The following RBM34 variants were observed in gnomAD, a reference collection of about 807,000 sequenced individuals.
RBM34 encodes the protein RNA binding motif protein 34, also known as RNA-binding protein 34.
A neutral mutation model predicts 44.6 loss-of-function variants in RBM34; 39 were observed. The observed-to-expected ratio is 0.87, with a 90% CI of 0.68 to 1.14. The LOEUF is 1.14. Ranked by LOEUF, RBM34 falls within the 50% of genes most tolerant of loss-of-function variation. The pLI is 0.00. For missense variants in RBM34, 572 were observed against 517.9 expected, an observed-to-expected ratio of 1.10 and a Z score of -1.01; for synonymous variants, 194 against 184.0, an observed-to-expected ratio of 1.05 and a Z score of -0.44.
At position 235,149,950 on chromosome 1, in the gene RBM34, C is replaced by CA. The variant is rs542976948; in HGVS notation, c.658-1504dup. 5.9e-5 allele frequency among the ~76,000 whole-genome samples: 9 copies of CA among 152,172 alleles called. No homozygotes were observed. In the East Asian group the frequency reaches 1.3e-3, roughly 23 times the overall value. Reference sequence around the variant, plus strand: ...CTAACATAGTCAAACTCTCAAACCTCAAAAAAACAGTACAAGACACAGAAA... The same window carrying CA: ...CTAACATAGTCAAACTCTCAAACCTCAAAAAAAACAGTACAAGACACAGAAA... On this transcript the variant is annotated intron_variant, in intron 5 of 10. Transcript: ENST00000408888.
intron 3 of RBM34, 109 bp from the exon 4 acceptor site, chr1:235,155,221 C>T: frequency 3.4e-6 from 3 of 889,926 alleles, no homozygotes; most frequent in Admixed American, 2.8e-5. Flanking sequence ...CCAATGTCTT[C>T]TGAATTTTCC....
At chr1:235,144,055 T>G (rs917683378) in intron 6 of RBM34, among the ~76,000 whole-genome samples, 5 of 151,976 alleles carry the variant, frequency 3.3e-5, no homozygotes, top group African/African-American at 1.2e-4. Flanking sequence ...CGAGCACCTG[T>G]AGTCCCAGGT....
chr1:235,148,525 GTATC>G, intron 5 of RBM34, 78 bp from the exon 6 acceptor site: 1 of 1,074,406 alleles, frequency 9.3e-7, no homozygotes. Context: ...TGAAGTCTAA[GTATC>G]TAACTCCAGT....
intron 6 of RBM34, among the ~76,000 whole-genome samples, chr1:235,148,053 C>T (rs539829481): frequency 6.6e-6 from 1 of 152,122 alleles, no homozygotes; most frequent in Non-Finnish European, 1.5e-5. Flanking sequence ...GTGACCAGCA[C>T]AAGCAAACAT....
chr1:235,155,866 T>TACAC (rs1318650085), intron 3 of RBM34, among the ~76,000 whole-genome samples: 1 of 34,332 alleles, frequency 2.9e-5, no homozygotes, highest in Non-Finnish European at 4.9e-5. Flanking sequence ...TATATATATA[T>TACAC]ACATATATAC....
At chr1:235,141,057 C>T (rs1001859107) in intron 6 of RBM34, among the ~76,000 whole-genome samples, 6 of 144,910 alleles carry the variant, frequency 4.1e-5, no homozygotes, top group Non-Finnish European at 9.1e-5. Flanking sequence ...GGGCCTTGGA[C>T]AACCTTTATG....
chr1:235,137,280 T>TA, intron 8 of RBM34, among the ~76,000 whole-genome samples: 1 of 152,250 alleles, frequency 6.6e-6, no homozygotes, highest in East Asian at 1.9e-4. Flanking sequence ...GTCTAATGAA[T>TA]AATTGAACTT....
chr1:235,134,350 G>A (rs1289426157), intron 10 of RBM34, among the ~76,000 whole-genome samples: 1 of 151,956 alleles, frequency 6.6e-6, no homozygotes, highest in South Asian at 2.1e-4. Context: ...TTGTAGAGTC[G>A]GTGTCTACCT....
rs760242913 is a variant in RBM34 at position 235,131,779 on chromosome 1, G to A, written c.1227C>T (p.Leu409=). 33 of 1,613,210 alleles carry A rather than the reference G, an allele frequency of 2.0e-5. No individual in the cohort carries two copies. In the South Asian group the frequency reaches 3.3e-4, roughly 16 times the overall value. Residue 409 remains leucine (L), a synonymous_variant, in exon 11 of 11, where the codon CTC becomes CTT. Transcript: ENST00000408888. ...TCTGTCCTTTCTTCTTCGTTTTAAG[G>A]AGAACAGCTTTTTCTCCAATAAATA... ...KSLFIGEKAV[L]LKTKKKGQKK... is the part of the protein sequence containing the mutation.
chr1:235,152,878 T>C, intron 4 of RBM34, 113 bp from the exon 5 acceptor site: 1 of 965,156 alleles, frequency 1.0e-6, no homozygotes, highest in Non-Finnish European at 1.5e-6. Context: ...GGCTTTTTTT[T>C]TTTTTTTTGA....
intron 6 of RBM34, among the ~76,000 whole-genome samples, chr1:235,146,085 C>T (rs971191983): frequency 1.3e-5 from 2 of 148,206 alleles, no homozygotes; most frequent in African/African-American, 5.0e-5. Context: ...TCGTCTGATT[C>T]CCAAGCAGCT....
In RBM34 at chr1:235,152,732, T is replaced by C; in HGVS notation, c.631A>G (p.Ile211Val). Reference sequence around the variant, plus strand: ...AGAGAACGAAATCGTACAGATTCTATTTGTCCATACTCTTTAAAAAACGAC... The same window carrying C: ...AGAGAACGAAATCGTACAGATTCTACTTGTCCATACTCTTTAAAAAACGAC... ...LKSFFKEYGQ[I>V]ESVRFRSLIP... Residue 211 changes from isoleucine (I) to valine (V), a missense_variant, in exon 5 of 11, where the codon ATA becomes GTA. Physicochemically the swap from Ile to Val is conservative, Grantham distance 29. Transcript: ENST00000408888. 1 of 1,601,860 alleles carries C rather than the reference T, an allele frequency of 6.2e-7. No homozygotes were observed. The highest frequency in any genetic ancestry group is 8.5e-7 in the Non-Finnish European group (1 of 1,174,098).
At position 235,160,498 on chromosome 1, in the gene RBM34, G is replaced by A. The variant is rs374188703; in HGVS notation, c.365+13C>T. 1.2e-6 allele frequency: 2 copies of A among 1,606,600 alleles called. No homozygotes were observed. The highest frequency in any genetic ancestry group is 1.7e-6 in the Non-Finnish European group (2 of 1,177,400). On this transcript the variant is annotated intron_variant, in intron 3 of 10. Transcript: ENST00000408888. ...CTAATTTCTTTAACATCAAATAAGAGAATTTTACCAACCTGTCTGCCAACT... is the reference window on the plus strand; with the variant it reads ...CTAATTTCTTTAACATCAAATAAGAAAATTTTACCAACCTGTCTGCCAACT...
chr1:235,136,081 A>T lies in RBM34; in HGVS notation c.850-8T>A. The T allele has an allele frequency of 6.3e-7, 1 of 1,596,628 alleles. No homozygotes were observed. Among genetic ancestry groups the T allele is most frequent in the Admixed American group, 1.7e-5 (1 of 59,098 alleles). On this transcript the variant is annotated splice_polypyrimidine_tract_variant and splice_region_variant and intron_variant, in intron 8 of 10. Coordinates refer to ENST00000408888, the MANE Select transcript of RBM34 (RefSeq NM_015014.4). Reference sequence around the variant, plus strand: ...AACCGATCTCTTGTCTCTCTGAAACAAAAAGACAGTTAATAAAAATCACTC... The same window carrying T: ...AACCGATCTCTTGTCTCTCTGAAACTAAAAGACAGTTAATAAAAATCACTC...
At chr1:235,144,628 T>C (rs1308764610) in intron 6 of RBM34, among the ~76,000 whole-genome samples, 1 of 152,112 alleles carries the variant, frequency 6.6e-6, no homozygotes, top group Non-Finnish European at 1.5e-5. Context: ...GCACCTGTAG[T>C]TCCAGCTACT....
intron 3 of RBM34, among the ~76,000 whole-genome samples, chr1:235,159,900 C>A (rs896842583): frequency 2.0e-5 from 3 of 151,050 alleles, no homozygotes; most frequent in Non-Finnish European, 4.4e-5. Flanking sequence ...AAACCAAATT[C>A]TTTTATATAC....
chr1:235,143,667 G>A (rs1225088198), intron 6 of RBM34, among the ~76,000 whole-genome samples: 2 of 152,122 alleles, frequency 1.3e-5, no homozygotes, highest in Non-Finnish European at 2.9e-5. Flanking sequence ...GAACCCGGGA[G>A]GTAGAGGTTG....
intron 6 of RBM34, among the ~76,000 whole-genome samples, chr1:235,140,453 G>T (rs1257771618): frequency 6.6e-6 from 1 of 152,214 alleles, no homozygotes; most frequent in Non-Finnish European, 1.5e-5. Flanking sequence ...GGCTGCGGAG[G>T]ATGTACTGGG....
chr1:235,159,123 G>A (rs1364542086), intron 3 of RBM34, among the ~76,000 whole-genome samples: 2 of 151,662 alleles, frequency 1.3e-5, no homozygotes, highest in African/African-American at 2.4e-5. Context: ...TGAGGTGGGC[G>A]GCTGGATTGA....
Sources: allele counts gnomAD v4.1 joint callset (sites outside exome capture counted in the v4.1 genomes callset), GRCh38; gene constraint gnomAD v4.1.1; transcripts MANE v1.5; gene names NCBI Gene and HGNC (gene_info 2026-07-23, HGNC 2026-07-21).